The following LRRC27 variants were observed in gnomAD, a reference collection of about 807,000 sequenced individuals.
LRRC27 encodes leucine rich repeat containing 27.
LRRC27 carries 57 observed loss-of-function variants against 55.0 expected under a neutral mutation model. The ratio of observed to expected loss-of-function variants is 1.04; its 90% CI spans 0.84 to 1.29. LRRC27 has a LOEUF of 1.29. Ranked by LOEUF, LRRC27 falls within the 50% of genes most tolerant of loss-of-function variation. The pLI is 0.00. For missense variants in LRRC27, 721 were observed against 651.5 expected (o/e 1.11, Z -1.16); for synonymous variants, 278 against 251.9 (o/e 1.10, Z -0.98).
At position 132,375,302 on chromosome 10, in the gene LRRC27, C is replaced by A; in HGVS notation, c.*60C>A. On this transcript the variant is annotated 3_prime_UTR_variant, in exon 11 of 11. Transcript: ENST00000368614. Reference sequence around the variant, plus strand: ...ACAGGAGCCGCTCAGTCTTCTTTCCCGGGCGTCGCCTCCTGTGTGGTGCCG... The same window carrying A: ...ACAGGAGCCGCTCAGTCTTCTTTCCAGGGCGTCGCCTCCTGTGTGGTGCCG... The A allele has an allele frequency of 1.3e-6, 2 of 1,500,452 alleles. No homozygotes were observed. The highest frequency in any genetic ancestry group is 1.8e-6 in the Non-Finnish European group (2 of 1,105,244). 92.9% of individuals were successfully genotyped at this position (1,500,452 alleles called of 1,614,324 possible). A position where few individuals can be genotyped will look rare whatever the true frequency, so the allele number is the denominator to read the frequency against.
chr10:132,330,406 C>A (rs1281532914), upstream of LRRC27: 1 of 716,868 alleles, frequency 1.4e-6, no homozygotes, highest in Non-Finnish European at 2.6e-6. Context: ...ACCCATGTCA[C>A]TCCTCATTCT....
At chr10:132,344,387 TACTG>T in intron 4 of LRRC27, 107 bp from the exon 5 acceptor site, 1 of 1,172,064 alleles carries the variant, frequency 8.5e-7, no homozygotes, top group Non-Finnish European at 1.2e-6. Context: ...TTCCCCCAAA[TACTG>T]AATAGAATCA....
chr10:132,355,935 G>A, intron 8 of LRRC27, 49 bp downstream of exon 8: 1 of 1,363,656 alleles, frequency 7.3e-7, no homozygotes, highest in East Asian at 2.5e-5. Flanking sequence ...TCCCGGGGGT[G>A]GGTGGGTGCT....
rs2067807392 is a variant in LRRC27 at position 132,348,044 on chromosome 10, C to T, written c.614C>T (p.Ser205Phe). ...CTCCCGAGCCCAGGACTGGAGTTGT[C>T]TGGAGACCACGCGTCTAACCAAGGA... Reference protein sequence around the residue: ...RDLPSPGLELSGDHASNQGAV... With the variant: ...RDLPSPGLELFGDHASNQGAV... Residue 205 changes from serine to phenylalanine, a missense_variant, in exon 6 of 11, where the codon TCT (serine) becomes TTT (phenylalanine). Physicochemically the swap from Ser to Phe is radical, Grantham distance 155 (BLOSUM62 -2). Coordinates refer to ENST00000368614, the MANE Select transcript of LRRC27 (RefSeq NM_030626.3). This position sits in a 1 kb window ranked among gnomAD's most constrained non-coding sequence, Gnocchi z 4.2. 1.9e-6 allele frequency: 3 copies of T among 1,613,666 alleles called. No homozygotes were observed. Among genetic ancestry groups the T allele is most frequent in the Non-Finnish European group, 2.5e-6 (3 of 1,180,034 alleles).
chr10:132,364,541 C>G (rs1323055006), intron 9 of LRRC27, among the ~76,000 whole-genome samples: 1 of 37,118 alleles, frequency 2.7e-5, no homozygotes, highest in Non-Finnish European at 5.5e-5. Context: ...ACACTTAAAT[C>G]TACCTCCACA....
At chr10:132,354,053 G>A (rs1238401724) in intron 7 of LRRC27, among the ~76,000 whole-genome samples, 2 of 152,162 alleles carry the variant, frequency 1.3e-5, no homozygotes, top group African/African-American at 2.4e-5. Context: ...ACTCCCTCTT[G>A]GCCATGGCTG....
chr10:132,330,390 G>A (rs531730095), upstream of LRRC27: 101 of 713,822 alleles, frequency 1.4e-4, no homozygotes, highest in Non-Finnish European at 2.2e-4. Flanking sequence ...CGCCACTCAC[G>A]GCAACACCCA....
Position 132,347,990 on chromosome 10 carries a change from C to T in LRRC27, c.560C>T (p.Pro187Leu), listed in dbSNP as rs2067803079. The change falls in exon 6 of 11, where the codon CCA (proline) becomes CTA (leucine). Residue 187 changes from proline (P) to leucine (L), a missense_variant. Physicochemically the swap from Pro to Leu is moderately conservative, Grantham distance 98 (BLOSUM62 -3). Coordinates refer to ENST00000368614, the MANE Select transcript of LRRC27 (RefSeq NM_030626.3). Reference sequence around the variant, plus strand: ...CGGTTTCTTACTCTCCCAGAGGCTCCACCGGTTAGAGAGATGACCCTCCGT... The same window carrying T: ...CGGTTTCTTACTCTCCCAGAGGCTCTACCGGTTAGAGAGATGACCCTCCGT... The part of the protein sequence containing the change: ...LPRNPTSQEA[P>L]PVREMTLRDL... 1.9e-6 allele frequency: 3 copies of T among 1,600,796 alleles called. No homozygotes were observed. Among genetic ancestry groups the T allele is most frequent in the South Asian group, 1.1e-5 (1 of 90,466 alleles).
rs1453008246 is a variant in LRRC27 at position 132,377,945 on chromosome 10, GC to G, written c.*2705del. 6.6e-6 allele frequency: 1 copy of G among 152,234 alleles called. No individual in the cohort carries two copies. Among genetic ancestry groups the G allele is most frequent in the African/African-American group, 2.4e-5 (1 of 41,446 alleles). The allele number at this position is 152,234 out of a possible 1,614,324, so 9.4% of individuals were successfully genotyped here. A position where few individuals can be genotyped will look rare whatever the true frequency, so the allele number is the denominator to read the frequency against. On this transcript the variant is annotated 3_prime_UTR_variant, in exon 11 of 11. Transcript: ENST00000368614. Reference sequence around the variant, plus strand: ...GCCTGTAATCCCAGCACTTTGGGAGGCCGAGGCGAGTGGATCACGAGGTCAG... The same window carrying G: ...GCCTGTAATCCCAGCACTTTGGGAGGCGAGGCGAGTGGATCACGAGGTCAG...
chr10:132,336,427 A>G (rs2067136719), intron 2 of LRRC27, among the ~76,000 whole-genome samples: 1 of 152,220 alleles, frequency 6.6e-6, no homozygotes, highest in African/African-American at 2.4e-5. Context: ...TAACAGAGAT[A>G]AGATAGTGTT....
chr10:132,336,895 G>A (rs2067160195), intron 2 of LRRC27: 3 of 688,236 alleles, frequency 4.4e-6, no homozygotes, highest in African/African-American at 1.9e-5. Context: ...CTTCCACACT[G>A]TGACTGTAAA....
chr10:132,331,876 G>A (rs556234468), upstream of LRRC27: 5 of 1,224,814 alleles, frequency 4.1e-6, no homozygotes, highest in South Asian at 4.3e-5. Flanking sequence ...TGCGTGCGCA[G>A]GCGCACCACC....
chr10:132,364,533 A>G (rs111964569), intron 9 of LRRC27, among the ~76,000 whole-genome samples: 775 of 5,750 alleles, frequency 0.13, 102 homozygotes, highest in South Asian at 0.15. Flanking sequence ...TTACACCCAC[A>G]CTTAAATCTA....
chr10:132,351,390 C>T (rs942845930), intron 6 of LRRC27: 19 of 577,700 alleles, frequency 3.3e-5, no homozygotes, highest in South Asian at 8.7e-5. Flanking sequence ...GCAGTGGGCG[C>T]GTTGGGACAG....
At position 132,348,360 on chromosome 10, in the gene LRRC27, A is replaced by G; in HGVS notation, c.926+4A>G. 6.2e-7 allele frequency: 1 copy of G among 1,602,342 alleles called. No homozygotes were observed. The highest frequency in any genetic ancestry group is 8.5e-7 in the Non-Finnish European group (1 of 1,172,790). On this transcript the variant is annotated splice_donor_region_variant and intron_variant, in intron 6 of 10. Coordinates refer to ENST00000368614, the MANE Select transcript of LRRC27 (RefSeq NM_030626.3). The surrounding 1 kb of genome is among the most constrained non-coding windows in gnomAD (Gnocchi z 4.2). Reference sequence around the variant, plus strand: ...CAAAGCCAAGACACGTTTTCAGGTAAAACTGAAAAGCAACGGGGGATTTTC... The same window carrying G: ...CAAAGCCAAGACACGTTTTCAGGTAGAACTGAAAAGCAACGGGGGATTTTC...
intron 9 of LRRC27, among the ~76,000 whole-genome samples, chr10:132,364,754 A>ACCCTGGGGCCC (rs1564854859): frequency 5.1e-5 from 5 of 98,190 alleles, no homozygotes; most frequent in Non-Finnish European, 6.0e-5. Context: ...CCACGCCCAC[A>ACCCTGGGGCCC]CTTACACTCA....
In LRRC27 at chr10:132,365,551, G is replaced by A. The variant is rs574071543; in HGVS notation, c.1416+1G>A. On this transcript the variant is annotated splice_donor_variant, in intron 10 of 10. Transcript: ENST00000368614. LOFTEE classifies it high-confidence loss of function. ...GAAGGCTGCCGAGGATCTGGAAATT[G>A]TAAGGATTTCTTGGTTCTGTTTAAA... 853 of 1,612,880 alleles carry A rather than the reference G, an allele frequency of 5.3e-4. 10 individuals are homozygous for A. The South Asian group carries it at 8.9e-3, about 17-fold the overall frequency.
intron 10 of LRRC27, among the ~76,000 whole-genome samples, chr10:132,373,268 TGAGCA>T (rs1326116056): frequency 1.3e-5 from 2 of 151,988 alleles, no homozygotes. Flanking sequence ...GAGGACGACC[TGAGCA>T]GAGCGAAGCA....
chr10:132,355,647 ACTCCCACCCGGAGGG>A (rs2068273559), intron 7 of LRRC27, 128 bp from the exon 8 acceptor site: 1 of 608,250 alleles, frequency 1.6e-6, no homozygotes, highest in Admixed American at 2.6e-5. Flanking sequence ...TGTGGTTCAG[ACTCCCACCCGGAGGG>A]CATGCACGCC....
Sources: gnomAD v4.1 joint callset for allele counts (sites outside exome capture counted in the v4.1 genomes callset) on GRCh38, gnomAD v4.1.1 for gene constraint, Gnocchi (gnomAD v3.1) non-coding constraint, MANE v1.5 for transcripts, NCBI Gene and HGNC (gene_info 2026-07-23, HGNC 2026-07-21) for gene names.